The following KIFC3 variants were observed in gnomAD, a reference collection of about 807,000 sequenced individuals.
The protein encoded by KIFC3 is kinesin family member C3.
In KIFC3, 60 loss-of-function variants were observed where a neutral mutation model predicts 101.8. The observed-to-expected ratio is 0.59, with a 90% CI of 0.48 to 0.73. KIFC3 has a LOEUF of 0.73. Ranked by LOEUF, KIFC3 falls within the 30% of genes least tolerant of loss-of-function variation. The pLI is 0.00. For missense variants in KIFC3, 966 were observed against 1,137.1 expected, an observed-to-expected ratio of 0.85 and a Z score of 2.16; for synonymous variants, 476 against 482.7, an observed-to-expected ratio of 0.99 and a Z score of 0.18.
rs1022063246 is a variant in KIFC3 at position 57,769,017 on chromosome 16, A to T, written c.1218+578T>A. On this transcript the variant is annotated intron_variant, in intron 9 of 19. Coordinates refer to ENST00000445690, the MANE Select transcript of KIFC3 (RefSeq NM_001130100.2). The surrounding 1 kb of genome is among the most constrained non-coding windows in gnomAD (Gnocchi z 4.3). ...CCTGTCTCTAATAAATAATTTTTTT[A>T]AAAAATACGTATGTAGCATGTTTTT... Among the ~76,000 whole-genome samples the T allele has an allele frequency of 6.6e-6, 1 of 152,158 alleles. No homozygotes were observed. The highest frequency in any genetic ancestry group is 2.4e-5 in the African/African-American group (1 of 41,434).
At chr16:57,766,821 G>T in intron 10 of KIFC3, 53 bp downstream of exon 10, 1 of 1,300,738 alleles carries the variant, frequency 7.7e-7, no homozygotes, top group Non-Finnish European at 1.1e-6. Flanking sequence ...TGACTGCCAA[G>T]CCAGGTCGAG....
chr16:57,854,622 C>A (rs532906849), intron 1 of KIFC3, among the ~76,000 whole-genome samples: 2 of 125,046 alleles, frequency 1.6e-5, no homozygotes, highest in Non-Finnish European at 3.6e-5. Context: ...AGCAAGACTC[C>A]GTCTCAGAAA....
At position 57,854,775 on chromosome 16, in the gene KIFC3, C is replaced by A. The variant is rs1269028947; in HGVS notation, c.108+7954G>T. ...CTTTTCAAGTGCCCTGGGTCATAAA[C>A]CAAATCTCAACAAATTTAAAAGAAA... On this transcript the variant is annotated intron_variant, in intron 1 of 2. Coordinates refer to the KIFC3 transcript ENST00000563028. Among the ~76,000 whole-genome samples, 5 of 152,140 alleles carry A rather than the reference C, an allele frequency of 3.3e-5. No individual in the cohort carries two copies. In the East Asian group the frequency reaches 9.6e-4, roughly 29 times the overall value.
chr16:57,779,713 C>T (rs924858054), intron 3 of KIFC3, among the ~76,000 whole-genome samples: 1 of 151,868 alleles, frequency 6.6e-6, no homozygotes, highest in Non-Finnish European at 1.5e-5. Flanking sequence ...ATGCGGGAGC[C>T]GGAGACAGGA....
At chr16:57,816,247 C>G in intron 1 of KIFC3, 1 of 1,289,316 alleles carries the variant, frequency 7.8e-7, no homozygotes, top group Non-Finnish European at 1.0e-6. Context: ...CGGAAAGTGT[C>G]AACCCAAATC....
intron 3 of KIFC3, among the ~76,000 whole-genome samples, chr16:57,791,283 A>T (rs575060183): frequency 3.9e-5 from 6 of 152,330 alleles, no homozygotes; most frequent in African/African-American, 9.6e-5. Flanking sequence ...CCCTGTGACC[A>T]ACTGCCACAC....
chr16:57,759,663 TA>T, intron 18 of KIFC3, 64 bp downstream of exon 18: 1 of 1,237,646 alleles, frequency 8.1e-7, no homozygotes, highest in Non-Finnish European at 1.1e-6. Flanking sequence ...CCCATCCAGG[TA>T]AGGGCAGCCT....
chr16:57,761,842 C>G (rs941091008), intron 13 of KIFC3, among the ~76,000 whole-genome samples: 6 of 152,164 alleles, frequency 3.9e-5, no homozygotes, highest in Admixed American at 6.5e-5. Context: ...CCTCCTCCCC[C>G]CAGAACCATC....
Position 57,798,200 on chromosome 16 carries a change from G to C in KIFC3, c.44C>G (p.Ser15Trp), listed in dbSNP as rs1331748906. 1 of 1,545,384 alleles carries C rather than the reference G, an allele frequency of 6.5e-7. No individual in the cohort carries two copies. Among genetic ancestry groups the C allele is most frequent in the Admixed American group, 2.0e-5 (1 of 50,506 alleles). ...GCCCACTCTCCACAGGCCCCGCAGC[G>C]AGGGCGTGGCTCCCAGGTTCCACGT... The part of the protein sequence containing the change: ...RRTWNLGATP[S>W]LRGLWRVGRA... Residue 15 changes from serine (S) to tryptophan (W), a missense_variant, in exon 2 of 20, where the codon TCG becomes TGG. Transcript: ENST00000445690.
Position 57,761,509 on chromosome 16 carries a change from T to C in KIFC3, c.1776A>G (p.Glu592=). ...CTGGGCACAGCCGGATCTCCAGTTT[T>C]TCCTGAGGCTCTTTCCCTAGCAGGT... ...LRDLLGKEPQ[E]KLEIRLCPDG... The change falls in exon 14 of 20, where the codon GAA becomes GAG. Residue 592 remains glutamate (E), a synonymous_variant. Coordinates refer to ENST00000445690, the MANE Select transcript of KIFC3 (RefSeq NM_001130100.2). 6.2e-7 allele frequency: 1 copy of C among 1,613,626 alleles called. No individual in the cohort carries two copies. The highest frequency in any genetic ancestry group is 8.5e-7 in the Non-Finnish European group (1 of 1,179,794).
intron 1 of KIFC3, among the ~76,000 whole-genome samples, chr16:57,857,445 A>C (rs2056195523): frequency 6.7e-6 from 1 of 150,280 alleles, no homozygotes; most frequent in Non-Finnish European, 1.5e-5. Context: ...TGTGCAGAAC[A>C]TGCAGGTTTG....
chr16:57,811,079 C>T (rs1555627747), intron 1 of KIFC3, among the ~76,000 whole-genome samples: 2 of 152,208 alleles, frequency 1.3e-5, no homozygotes, highest in African/African-American at 4.8e-5. Flanking sequence ...TGGGACTCTG[C>T]TTGCTGAAAG....
At chr16:57,798,431 C>G in intron 1 of KIFC3, 149 bp from the exon 2 acceptor site, 1 of 698,048 alleles carries the variant, frequency 1.4e-6, no homozygotes, top group Non-Finnish European at 2.4e-6. Context: ...CCCCAAAGAC[C>G]CTAGGGCTCG....
At chr16:57,784,072 G>A (rs2053053238) in intron 3 of KIFC3, among the ~76,000 whole-genome samples, 1 of 152,222 alleles carries the variant, frequency 6.6e-6, no homozygotes, top group Non-Finnish European at 1.5e-5. Flanking sequence ...GCCCATCCCA[G>A]TGAGCCCTTC....
intron 4 of KIFC3, 84 bp downstream of exon 4, chr16:57,772,139 G>T: frequency 8.5e-7 from 1 of 1,182,692 alleles, no homozygotes; most frequent in Non-Finnish European, 1.2e-6. Flanking sequence ...GGAGAGAGAG[G>T]GTCGCACCCC....
intron 10 of KIFC3, among the ~76,000 whole-genome samples, chr16:57,766,240 C>T (rs1219536506): frequency 6.6e-6 from 1 of 152,240 alleles, no homozygotes; most frequent in Non-Finnish European, 1.5e-5. Flanking sequence ...CATGGCCCAC[C>T]TGCCCTCCCT....
chr16:57,819,763 G>A (rs1224557659), intron 1 of KIFC3, among the ~76,000 whole-genome samples: 2 of 152,106 alleles, frequency 1.3e-5, no homozygotes, highest in Non-Finnish European at 2.9e-5. Flanking sequence ...GCTTCACCAT[G>A]TTGGTCAGGC....
intron 1 of KIFC3, among the ~76,000 whole-genome samples, chr16:57,823,798 TGTGTG>T (rs2149281376): frequency 2.0e-5 from 3 of 148,928 alleles, no homozygotes; most frequent in South Asian, 2.2e-4. Context: ...TGTGTGTGTG[TGTGTG>T]TTTTTAGTAG....
At chr16:57,817,716 G>T (rs139801425) in intron 1 of KIFC3, among the ~76,000 whole-genome samples, 6 of 152,288 alleles carry the variant, frequency 3.9e-5, no homozygotes, top group South Asian at 4.1e-4. Context: ...GCCCAAAAAG[G>T]TTCCAAATAA....
Sources: allele counts gnomAD v4.1 joint callset (sites outside exome capture counted in the v4.1 genomes callset), GRCh38; gene constraint gnomAD v4.1.1; non-coding constraint Gnocchi (gnomAD v3.1); transcripts MANE v1.5; gene names NCBI Gene and HGNC (gene_info 2026-07-23, HGNC 2026-07-21).